The following DDHD1 variants were observed in gnomAD, a reference collection of about 807,000 sequenced individuals.
The protein encoded by DDHD1 is DDHD domain containing 1, also known as phospholipase DDHD1.
DDHD1 carries 49 observed loss-of-function variants against 96.4 expected under a neutral mutation model. The ratio of observed to expected loss-of-function variants is 0.51; its 90% confidence interval spans 0.40 to 0.64. The LOEUF is 0.64. DDHD1 is among the 30% of genes least tolerant of loss of function. The pLI, the probability that DDHD1 is intolerant of heterozygous loss-of-function variation, is 0.00. For synonymous variants in DDHD1, 442 were observed against 446.5 expected (o/e 0.99, Z 0.13); for missense variants, 1,106 against 1,161.2 (o/e 0.95, Z 0.69).
chr14:53,058,065 T>C (rs1380115533), intron 9 of DDHD1, among the ~76,000 whole-genome samples: 1 of 152,152 alleles, frequency 6.6e-6, no homozygotes, highest in Non-Finnish European at 1.5e-5. Flanking sequence ...GTCTCGAACT[T>C]GAGCTCAGGC....
rs1891516533 is a variant in DDHD1, at chr14:53,152,641, G to T, written c.458C>A (p.Ala153Asp). The part of the protein sequence containing the change: ...RKRTRLGGPA[A>D]RHRYEVVTEL... ...CGTCACTACCTCATAGCGGTGCCGGGCCGCCGGGCCGCCAAGCCGGGTACG... is the reference window on the plus strand; with the variant it reads ...CGTCACTACCTCATAGCGGTGCCGGTCCGCCGGGCCGCCAAGCCGGGTACG... Residue 153 changes from alanine to aspartate, a missense_variant, in exon 1 of 13, where the codon GCC becomes GAC. By Grantham distance (126) the Ala-to-Asp change is moderately radical. Transcript: ENST00000673822. The T allele has an allele frequency of 6.2e-7, 1 of 1,612,836 alleles. No homozygotes were observed. Among genetic ancestry groups the T allele is most frequent in the Admixed American group, 1.7e-5 (1 of 59,996 alleles).
intron 4 of DDHD1, among the ~76,000 whole-genome samples, chr14:53,076,043 CT>C (rs1186380007): frequency 6.6e-6 from 1 of 152,168 alleles, no homozygotes; most frequent in African/African-American, 2.4e-5. Context: ...GTTTTCATGC[CT>C]GCTAACACAA....
At chr14:53,134,858 T>A (rs1488269298) in intron 1 of DDHD1, among the ~76,000 whole-genome samples, 1 of 151,366 alleles carries the variant, frequency 6.6e-6, no homozygotes, top group South Asian at 2.1e-4. Context: ...TCTCAATTCA[T>A]ACAAAACTGC....
chr14:53,153,284 T>A lies in DDHD1; in HGVS notation c.-186A>T. 2.3e-6 allele frequency: 1 copy of A among 440,416 alleles called. No individual in the cohort carries two copies. Among genetic ancestry groups the A allele is most frequent in the Non-Finnish European group, 3.8e-6 (1 of 263,978 alleles). The allele number at this position is 440,416 out of a possible 1,614,324, so 27.3% of individuals were successfully genotyped here. ...ACCCGCAGCCGCCGCAGCTGCGTTCTGCCGCCGGCCCCATTGTCACGCAGC... is the reference window on the plus strand; with the variant it reads ...ACCCGCAGCCGCCGCAGCTGCGTTCAGCCGCCGGCCCCATTGTCACGCAGC... On this transcript the variant is annotated 5_prime_UTR_variant, in exon 1 of 13. Transcript: ENST00000673822.
At position 53,152,860 on chromosome 14, in the gene DDHD1, A is replaced by C. The variant is rs1205717718; in HGVS notation, c.239T>G (p.Leu80Arg). 1 of 1,611,264 alleles carries C rather than the reference A, an allele frequency of 6.2e-7. No individual in the cohort carries two copies. The highest frequency in any genetic ancestry group is 1.1e-5 in the South Asian group (1 of 90,924). ...GTDDHNHHLA[L>R]DPCLSDENYD... ...GTTCTCGTCACTGAGGCAGGGGTCC[A>C]GCGCGAGGTGGTGGTTGTGGTCGTC... The change falls in exon 1 of 13, where the codon CTG (leucine) becomes CGG (arginine). Residue 80 changes from leucine (L) to arginine (R), a missense_variant. By Grantham distance (102) the Leu-to-Arg change is moderately radical. This residue lies in a region of DDHD1 where 456 missense variants were observed against 402.4 expected (regional missense o/e 1.13). Coordinates refer to ENST00000673822, the MANE Select transcript of DDHD1 (RefSeq NM_001160148.2).
Position 53,058,490 on chromosome 14 carries a change from G to A in DDHD1, c.1979C>T (p.Pro660Leu). The change falls in exon 9 of 13, where the codon CCT becomes CTT. Residue 660 changes from proline to leucine, a missense_variant. Physicochemically the swap from Pro to Leu is moderately conservative, Grantham distance 98. Transcript: ENST00000673822. ...ATTGCAACTCACCACTGGATCTGTAGGATGAAAAATATTTAGTAACCGGTT... is the reference window on the plus strand; with the variant it reads ...ATTGCAACTCACCACTGGATCTGTAAGATGAAAAATATTTAGTAACCGGTT... ...ICNRLLNIFHPTDPVAYRLEP... is the reference protein window; with the variant it reads ...ICNRLLNIFHLTDPVAYRLEP... 6.2e-7 allele frequency: 1 copy of A among 1,611,682 alleles called. No homozygotes were observed. Among genetic ancestry groups the A allele is most frequent in the East Asian group, 2.2e-5 (1 of 44,854 alleles).
intron 1 of DDHD1, among the ~76,000 whole-genome samples, chr14:53,119,349 A>G (rs564046804): frequency 2.1e-4 from 32 of 152,352 alleles, no homozygotes; most frequent in African/African-American, 5.5e-4. Context: ...AACTGCCCCA[A>G]TCAAAAGACA....
chr14:53,148,515 G>A (rs978395091), intron 1 of DDHD1, among the ~76,000 whole-genome samples: 2 of 151,424 alleles, frequency 1.3e-5, no homozygotes, highest in Non-Finnish European at 2.9e-5. Context: ...GTTTCACCAT[G>A]TTGGCCAGGC....
chr14:53,151,021 CAT>C (rs1212722818), intron 1 of DDHD1, among the ~76,000 whole-genome samples: 1 of 152,142 alleles, frequency 6.6e-6, no homozygotes, highest in Admixed American at 6.5e-5. Flanking sequence ...TGATTTGACA[CAT>C]GTTGGAATTG....
At chr14:53,122,353 C>T (rs568270379) in intron 1 of DDHD1, among the ~76,000 whole-genome samples, 2 of 152,286 alleles carry the variant, frequency 1.3e-5, no homozygotes, top group Admixed American at 1.3e-4. Flanking sequence ...CTAGGCACCT[C>T]CCTGGGGAAG....
chr14:53,095,181 C>T (rs1269803969), intron 2 of DDHD1, among the ~76,000 whole-genome samples: 1 of 152,148 alleles, frequency 6.6e-6, no homozygotes, highest in African/African-American at 2.4e-5. Flanking sequence ...GAAAAATTAA[C>T]ATACCCATCT....
At chr14:53,086,386 T>A (rs1388332219) in intron 4 of DDHD1, among the ~76,000 whole-genome samples, 3 of 152,202 alleles carry the variant, frequency 2.0e-5, no homozygotes, top group Middle Eastern at 3.4e-3. Context: ...GAAAAAATGT[T>A]AAGGGCAGCC....
intron 4 of DDHD1, among the ~76,000 whole-genome samples, chr14:53,090,979 G>C (rs1886386211): frequency 6.6e-6 from 1 of 152,078 alleles, no homozygotes; most frequent in Non-Finnish European, 1.5e-5. Flanking sequence ...TTATTATAGA[G>C]GTGTTGCTGA....
At chr14:53,152,113 G>GATGGAGGTTGTGTAGAT in intron 1 of DDHD1, 148 bp downstream of exon 1, 1 of 833,742 alleles carries the variant, frequency 1.2e-6, no homozygotes, top group Non-Finnish European at 1.8e-6. Context: ...AGCTGCCGAC[G>GATGGAGGTTGTGTAGAT]CTCCCTGCTC....
In DDHD1 at chr14:53,153,122, C is replaced by G; in HGVS notation, c.-24G>C. 1.5e-6 allele frequency: 2 copies of G among 1,369,622 alleles called. No homozygotes were observed. Among genetic ancestry groups the G allele is most frequent in the Non-Finnish European group, 1.9e-6 (2 of 1,071,706 alleles). 84.8% of individuals were successfully genotyped at this position (1,369,622 alleles called of 1,614,324 possible). A position where few individuals can be genotyped will look rare whatever the true frequency, so the allele number is the denominator to read the frequency against. ...ATGCTGTGGAGACGCCGCCGGCTGTCCGGCGGCGCGCGGAGCCGTGACCCC... is the reference window on the plus strand; with the variant it reads ...ATGCTGTGGAGACGCCGCCGGCTGTGCGGCGGCGCGCGGAGCCGTGACCCC... On this transcript the variant is annotated 5_prime_UTR_variant, in exon 1 of 13. Transcript: ENST00000673822.
In DDHD1 at chr14:53,100,231, T is replaced by C. The variant is rs1887195376; in HGVS notation, c.1012+3452A>G. ...GACTCACACCTGTAATCCTGGCACT[T>C]TGTGGGGGCTGAAGCAGGAGGAACA... is the stretch of plus-strand genomic sequence containing the variant. On this transcript the variant is annotated intron_variant, in intron 2 of 12. Transcript: ENST00000673822. 3.3e-5 allele frequency among the ~76,000 whole-genome samples: 5 copies of C among 151,966 alleles called. 1 individual carries two copies. In the South Asian group the frequency reaches 1.0e-3, roughly 32 times the overall value.
chr14:53,060,994 T>A, intron 8 of DDHD1, 132 bp downstream of exon 8: 1 of 854,190 alleles, frequency 1.2e-6, no homozygotes, highest in Non-Finnish European at 1.8e-6. Context: ...GTGTCCAACA[T>A]ATAGTATATG....
chr14:53,116,989 G>A (rs561866259), intron 1 of DDHD1, among the ~76,000 whole-genome samples: 21 of 152,124 alleles, frequency 1.4e-4, no homozygotes, highest in African/African-American at 4.6e-4. Context: ...AGAAAAGAGA[G>A]AAGAATTAAC....
chr14:53,074,209 T>G (rs1394129468), intron 4 of DDHD1, among the ~76,000 whole-genome samples: 1 of 151,958 alleles, frequency 6.6e-6, no homozygotes, highest in Non-Finnish European at 1.5e-5. Context: ...ATTGCTCTCT[T>G]CATCCTTTCC....
Sources: allele counts gnomAD v4.1 joint callset (sites outside exome capture counted in the v4.1 genomes callset), GRCh38; gene constraint gnomAD v4.1.1; regional missense constraint gnomAD v4.1.1; transcripts MANE v1.5; gene names NCBI Gene and HGNC (gene_info 2026-07-23, HGNC 2026-07-21).